The following TTC28 variants were observed in gnomAD, a reference collection of about 807,000 sequenced individuals.
TTC28 encodes the protein tetratricopeptide repeat protein 28.
In TTC28, 61 loss-of-function variants were observed where a neutral mutation model predicts 198.0. The ratio of observed to expected loss-of-function variants is 0.31; its 90% CI spans 0.25 to 0.38. TTC28 has a LOEUF of 0.38. Ranked by LOEUF, TTC28 falls within the 10% of genes least tolerant of loss-of-function variation. The pLI is 1.00. For synonymous variants in TTC28, 1,171 were observed against 1,297.8 expected, an observed-to-expected ratio of 0.90 and a Z score of 2.10; for missense variants, 2,678 against 3,164.0, an observed-to-expected ratio of 0.85 and a Z score of 3.69.
At chr22:28,499,571 C>T (rs540997506) in intron 2 of TTC28, among the ~76,000 whole-genome samples, 1 of 152,178 alleles carries the variant, frequency 6.6e-6, no homozygotes, top group African/African-American at 2.4e-5. Context: ...AATGGTCATC[C>T]TCATTAAACG....
chr22:28,087,820 G>A (rs2146835280), intron 12 of TTC28, among the ~76,000 whole-genome samples: 1 of 152,074 alleles, frequency 6.6e-6, no homozygotes, highest in East Asian at 1.9e-4. Context: ...AAAGTCTCAG[G>A]ATACAAAATC....
At chr22:28,271,023 T>C (rs1370341109) in intron 5 of TTC28, among the ~76,000 whole-genome samples, 1 of 152,250 alleles carries the variant, frequency 6.6e-6, no homozygotes, top group Admixed American at 6.5e-5. Context: ...TAAAAGAAGC[T>C]ATCAATTTGA....
rs568550099 is a variant in TTC28, at chr22:28,124,816, C to A, written c.1442-16413G>T. Among the ~76,000 whole-genome samples, 13 of 152,258 alleles carry A rather than the reference C, an allele frequency of 8.5e-5. 1 individual carries two copies. Among genetic ancestry groups the A allele is most frequent in the African/African-American group, 3.1e-4 (13 of 41,554 alleles). ...TTGTCTCAGGCTGTCACTTCATGCT[C>A]CTAGAACTTGGAGTTGAGGTAGAAG... On this transcript the variant is annotated intron_variant, in intron 6 of 22. Coordinates refer to ENST00000397906, the MANE Select transcript of TTC28 (RefSeq NM_001145418.2).
intron 2 of TTC28, among the ~76,000 whole-genome samples, chr22:28,383,538 C>T (rs1415962147): frequency 6.6e-6 from 1 of 152,222 alleles, no homozygotes; most frequent in Non-Finnish European, 1.5e-5. Flanking sequence ...CTCCCTTCCC[C>T]TAAAACCTTT....
intron 2 of TTC28, among the ~76,000 whole-genome samples, chr22:28,392,583 C>A (rs564690337): frequency 4.9e-4 from 75 of 152,294 alleles, no homozygotes; most frequent in Non-Finnish European, 9.7e-4. Flanking sequence ...GCGCAGTATT[C>A]GGGTGGGAGT....
At chr22:28,069,707 T>C (rs1391055831) in intron 12 of TTC28, among the ~76,000 whole-genome samples, 6 of 152,166 alleles carry the variant, frequency 3.9e-5, no homozygotes, top group Non-Finnish European at 7.3e-5. Context: ...TAGCTTTTTT[T>C]CTCCTTGAAA....
At chr22:28,077,143 T>C (rs953697414) in intron 12 of TTC28, among the ~76,000 whole-genome samples, 3 of 152,222 alleles carry the variant, frequency 2.0e-5, no homozygotes, top group Non-Finnish European at 4.4e-5. Context: ...TGCACCTCTA[T>C]TTATTCATCT....
chr22:28,377,977 T>C (rs896662819), intron 2 of TTC28, among the ~76,000 whole-genome samples: 1 of 151,926 alleles, frequency 6.6e-6, no homozygotes, highest in African/African-American at 2.4e-5. Context: ...AACACGAGCA[T>C]GCTAAGGAAA....
At chr22:28,047,132 T>C (rs1292368808) in intron 12 of TTC28, among the ~76,000 whole-genome samples, 1 of 152,154 alleles carries the variant, frequency 6.6e-6, no homozygotes, top group Non-Finnish European at 1.5e-5. Flanking sequence ...GGGGGCACCA[T>C]GTTCCACCTC....
In TTC28 at chr22:28,297,730, C is replaced by T. The variant is rs1214303708; in HGVS notation, c.652G>A (p.Val218Ile). ...TAGHHGASVV[V>I]LEAALKIGTC... ...CCAATCTTCAGTGCGGCTTCTAAGA[C>T]AACCACAGAGGCCCCATGATGGCCA... The change falls in exon 4 of 23, where the codon GTC becomes ATC. Residue 218 changes from valine to isoleucine, a missense_variant. By Grantham distance (29) the Val-to-Ile change is conservative. Coordinates refer to ENST00000397906, the MANE Select transcript of TTC28 (RefSeq NM_001145418.2). The T allele has an allele frequency of 1.3e-6, 2 of 1,551,556 alleles. No homozygotes were observed. The highest frequency in any genetic ancestry group is 1.7e-6 in the Non-Finnish European group (2 of 1,147,000).
chr22:28,634,117 A>C (rs1231130783), intron 1 of TTC28, among the ~76,000 whole-genome samples: 2 of 152,210 alleles, frequency 1.3e-5, no homozygotes, highest in Non-Finnish European at 1.5e-5. Flanking sequence ...AATTTAAAAG[A>C]AAAATGCGCT....
intron 21 of TTC28, 118 bp from the exon 22 acceptor site, chr22:27,985,474 G>A (rs1027337004): frequency 1.3e-6 from 1 of 789,562 alleles, no homozygotes; most frequent in African/African-American, 1.7e-5. Flanking sequence ...CCTTCAGCAA[G>A]CATTTGGGCC....
chr22:28,265,709 C>T (rs1178350583), intron 5 of TTC28, among the ~76,000 whole-genome samples: 2 of 152,090 alleles, frequency 1.3e-5, no homozygotes, highest in Non-Finnish European at 2.9e-5. Flanking sequence ...AATGTTGACA[C>T]AAAGGCCAGC....
chr22:28,032,247 TAAA>T (rs1242266792), intron 12 of TTC28, among the ~76,000 whole-genome samples: 4,664 of 106,996 alleles, frequency 0.044, 110 homozygotes, highest in South Asian at 0.07. Flanking sequence ...TATATATATA[TAAA>T]ATATATATAT....
intron 5 of TTC28, among the ~76,000 whole-genome samples, chr22:28,293,386 C>T (rs1394035999): frequency 6.6e-6 from 1 of 152,064 alleles, no homozygotes; most frequent in East Asian, 1.9e-4. Flanking sequence ...AAAATTACTA[C>T]ATGATCTCAT....
chr22:28,041,818 C>T (rs1165136804), intron 12 of TTC28, among the ~76,000 whole-genome samples: 1 of 151,928 alleles, frequency 6.6e-6, no homozygotes, highest in African/African-American at 2.4e-5. Flanking sequence ...GGGAGAAAAT[C>T]TTTGCAATCT....
Position 28,296,231 on chromosome 22 carries a change from CTGA to C in TTC28, c.897_899del (p.His299del). 1 of 1,550,486 alleles carries C rather than the reference CTGA, an allele frequency of 6.4e-7. No individual in the cohort carries two copies. Among genetic ancestry groups the C allele is most frequent in the Non-Finnish European group, 8.7e-7 (1 of 1,146,350 alleles). ...CTTTGAGTTTCATGGCGAGTACCAACTGATGCCTGTGGTTAGTGAGAGCCTCCC... is the reference window on the plus strand; with the variant it reads ...CTTTGAGTTTCATGGCGAGTACCAACTGCCTGTGGTTAGTGAGAGCCTCCC... On this transcript the variant is annotated inframe_deletion, in exon 5 of 23. Coordinates refer to ENST00000397906, the MANE Select transcript of TTC28 (RefSeq NM_001145418.2).
At chr22:28,301,185 C>T (rs932575958) in intron 3 of TTC28, among the ~76,000 whole-genome samples, 1 of 152,164 alleles carries the variant, frequency 6.6e-6, no homozygotes, top group African/African-American at 2.4e-5. Flanking sequence ...TAGGTGATCA[C>T]TACAATTATT....
chr22:28,625,141 G>A (rs925162457), intron 2 of TTC28, among the ~76,000 whole-genome samples: 1 of 152,122 alleles, frequency 6.6e-6, no homozygotes, highest in Non-Finnish European at 1.5e-5. Flanking sequence ...GATCAGGAAT[G>A]AGTAAAGGAA....
Sources: gnomAD v4.1 joint callset for allele counts (sites outside exome capture counted in the v4.1 genomes callset) on GRCh38, gnomAD v4.1.1 for gene constraint, MANE v1.5 for transcripts, NCBI Gene and HGNC (gene_info 2026-07-23, HGNC 2026-07-21) for gene names.